The following SYT1 variants were observed in gnomAD, a reference collection of about 807,000 sequenced individuals.
SYT1 encodes synaptotagmin-1.
In SYT1, 8 loss-of-function variants were observed where a neutral mutation model predicts 44.8. That is an observed-to-expected ratio of 0.18 (90% CI 0.10 to 0.32). SYT1 has a LOEUF of 0.32. SYT1 is among the 10% of genes least tolerant of loss of function. SYT1 has a pLI of 1.00. For synonymous variants in SYT1, 154 were observed against 188.8 expected (o/e 0.82, Z 1.51); for missense variants, 286 against 509.3 (o/e 0.56, Z 4.22).
chr12:79,162,382 A>T (rs1191993070), intron 3 of SYT1, among the ~76,000 whole-genome samples: 5 of 152,132 alleles, frequency 3.3e-5, no homozygotes, highest in African/African-American at 1.2e-4. Context: ...ATGACACCAC[A>T]CTGCCTTATA....
At chr12:78,946,791 T>G in intron 1 of SYT1, among the ~76,000 whole-genome samples, 1 of 152,180 alleles carries the variant, frequency 6.6e-6, no homozygotes, top group East Asian at 1.9e-4. Flanking sequence ...CTATAGTGCC[T>G]ATAACATTAT....
At chr12:79,385,711 G>T (rs1400615352) in intron 9 of SYT1, among the ~76,000 whole-genome samples, 1 of 147,510 alleles carries the variant, frequency 6.8e-6, no homozygotes, top group African/African-American at 2.4e-5. Context: ...ACCAACTGTG[G>T]TTATACAATT....
intron 3 of SYT1, among the ~76,000 whole-genome samples, chr12:79,115,368 T>C (rs930235834): frequency 2.6e-5 from 4 of 152,334 alleles, no homozygotes; most frequent in African/African-American, 9.6e-5. Flanking sequence ...ATATGATACA[T>C]TTCTTAAATG....
At chr12:79,344,659 G>T (rs1304845691) in intron 8 of SYT1, among the ~76,000 whole-genome samples, 3 of 151,918 alleles carry the variant, frequency 2.0e-5, no homozygotes, top group Non-Finnish European at 4.4e-5. Context: ...ATTTCACCAA[G>T]TTGCCCAGGC....
rs1873956289 is a variant in SYT1, at chr12:78,874,268, C to T, written c.-217+9159C>T. On this transcript the variant is annotated intron_variant, in intron 1 of 10. Transcript: ENST00000261205. ...AAACCCAAGCTACCTATTTACAGAG[C>T]CAATACTCAATCATAGGTAGTCACA... 2.0e-5 allele frequency among the ~76,000 whole-genome samples: 3 copies of T among 151,378 alleles called. No homozygotes were observed. The South Asian group carries it at 6.2e-4, about 31-fold the overall frequency.
chr12:79,365,664 C>G (rs1883510221), intron 9 of SYT1, among the ~76,000 whole-genome samples: 3 of 151,980 alleles, frequency 2.0e-5, no homozygotes, highest in Non-Finnish European at 2.9e-5. Context: ...TTACTTGCTG[C>G]TGCTTCTACT....
At chr12:79,372,309 T>A (rs966321636) in intron 9 of SYT1, among the ~76,000 whole-genome samples, 3 of 152,182 alleles carry the variant, frequency 2.0e-5, no homozygotes, top group African/African-American at 7.2e-5. Flanking sequence ...ATGAACTGAA[T>A]TGAAGTAAAG....
intron 5 of SYT1, among the ~76,000 whole-genome samples, chr12:79,290,345 G>A (rs750294637): frequency 2.0e-5 from 3 of 152,162 alleles, no homozygotes; most frequent in Non-Finnish European, 4.4e-5. Context: ...TAATTTCAAG[G>A]ACTGAGGGTG....
intron 3 of SYT1, among the ~76,000 whole-genome samples, chr12:79,119,909 C>T (rs7305521): frequency 2.8e-4 from 43 of 152,200 alleles, no homozygotes; most frequent in African/African-American, 1.0e-3. Context: ...AATATCATCT[C>T]CCTTCCTCTT....
chr12:79,337,662 T>A (rs1042409772), intron 8 of SYT1, among the ~76,000 whole-genome samples: 1 of 151,802 alleles, frequency 6.6e-6, no homozygotes, highest in Admixed American at 6.6e-5. Context: ...CTTCTCAGAG[T>A]TAAAAGTACT....
At chr12:78,867,888 T>C (rs1873627925) in intron 1 of SYT1, among the ~76,000 whole-genome samples, 1 of 151,994 alleles carries the variant, frequency 6.6e-6, no homozygotes, top group Non-Finnish European at 1.5e-5. Context: ...ATTAATTATA[T>C]GCAAGATGAG....
At chr12:79,134,341 G>A (rs1719702334) in intron 3 of SYT1, among the ~76,000 whole-genome samples, 1 of 152,198 alleles carries the variant, frequency 6.6e-6, no homozygotes, top group African/African-American at 2.4e-5. Context: ...ATTGTGAGAT[G>A]TATAGCATCA....
chr12:79,097,946 C>A (rs1878235123), intron 3 of SYT1, among the ~76,000 whole-genome samples: 1 of 151,926 alleles, frequency 6.6e-6, no homozygotes, highest in African/African-American at 2.4e-5. Flanking sequence ...CTCACACATA[C>A]ACATTTACCT....
At chr12:79,160,207 G>A (rs927571094) in intron 3 of SYT1, among the ~76,000 whole-genome samples, 5 of 152,058 alleles carry the variant, frequency 3.3e-5, no homozygotes, top group Admixed American at 1.3e-4. Flanking sequence ...AAGACCAAAA[G>A]GGCAAAAAGA....
chr12:79,349,963 A>G lies in SYT1; in HGVS notation c.811-3539A>G, dbSNP rs148431715. Among the ~76,000 whole-genome samples, 48 of 152,298 alleles carry G rather than the reference A, an allele frequency of 3.2e-4. No individual in the cohort carries two copies. The East Asian group carries it at 4.3e-3, about 13-fold the overall frequency. ...TAGTAAAAGCTTCACATGCTAGAAC[A>G]AGACTCTAGGGACAGAAGTGCTTTT... is the stretch of plus-strand genomic sequence containing the variant. On this transcript the variant is annotated intron_variant, in intron 8 of 10. Coordinates refer to ENST00000261205, the MANE Select transcript of SYT1 (RefSeq NM_005639.3).
At chr12:79,191,673 A>G (rs1873133953) in intron 3 of SYT1, among the ~76,000 whole-genome samples, 2 of 152,274 alleles carry the variant, frequency 1.3e-5, no homozygotes, top group African/African-American at 4.8e-5. Flanking sequence ...ACATTTCTAG[A>G]CTTCAAAAAT....
intron 2 of SYT1, among the ~76,000 whole-genome samples, chr12:78,997,436 A>G (rs1870451891): frequency 6.6e-6 from 1 of 152,214 alleles, no homozygotes; most frequent in Non-Finnish European, 1.5e-5. Flanking sequence ...ATTGCCTTAT[A>G]TTCTTGACAG....
intron 1 of SYT1, among the ~76,000 whole-genome samples, chr12:78,941,463 G>A (rs920677730): frequency 6.6e-6 from 1 of 150,452 alleles, no homozygotes; most frequent in African/African-American, 2.5e-5. Context: ...AGAAAAAGAT[G>A]GATCATTTTC....
rs1369801786 is a variant in SYT1, at chr12:79,002,115, A to G, written c.-84+24184A>G. On this transcript the variant is annotated intron_variant, in intron 2 of 10. Transcript: ENST00000261205. ...TTATAGGTCCCTTTTATAAAAAAGT[A>G]TAAAAATATAATGTTTGTTTCTCAT... Among the ~76,000 whole-genome samples, 4 of 152,270 alleles carry G rather than the reference A, an allele frequency of 2.6e-5. No homozygotes were observed. In the East Asian group the frequency reaches 5.8e-4, roughly 22 times the overall value.
Sources: gnomAD v4.1 joint callset for allele counts (sites outside exome capture counted in the v4.1 genomes callset) on GRCh38, gnomAD v4.1.1 for gene constraint, MANE v1.5 for transcripts, NCBI Gene and HGNC (gene_info 2026-07-23, HGNC 2026-07-21) for gene names.